Variants in SLC26A7 observed in about 807,000 individuals in gnomAD.
SLC26A7 encodes the protein anion exchange transporter.
In SLC26A7, 59 loss-of-function variants were observed where a neutral mutation model predicts 82.5. The ratio of observed to expected loss-of-function variants is 0.72; its 90% CI spans 0.58 to 0.89. SLC26A7 has a LOEUF of 0.89. Among genes scored for constraint, SLC26A7 ranks in the 40% least tolerant of loss-of-function variants. The pLI, the probability that SLC26A7 is intolerant of heterozygous loss-of-function variation, is 0.00. For synonymous variants in SLC26A7, 271 were observed against 274.3 expected (o/e 0.99, Z 0.12); for missense variants, 820 against 793.0 (o/e 1.03, Z -0.41).
At chr8:91,358,410 G>A (rs776424223) in intron 11 of SLC26A7, among the ~76,000 whole-genome samples, 48 of 149,064 alleles carry the variant, frequency 3.2e-4, no homozygotes, top group East Asian at 5.9e-4. Flanking sequence ...CTCACTGCAA[G>A]CTCCACCTCC....
rs1814299543 is a variant in SLC26A7, at chr8:91,369,694, A to G, written c.1627-91A>G. 1.0e-5 allele frequency: 10 copies of G among 954,654 alleles called. No homozygotes were observed. The South Asian group carries it at 1.6e-4, about 15-fold the overall frequency. The allele number at this position is 954,654 out of a possible 1,614,324, so 59.1% of individuals were successfully genotyped here. On this transcript the variant is annotated intron_variant, in intron 14 of 18. Transcript: ENST00000276609. ...AATTTTGGAGATGAGTTTTTTTGTT[A>G]TTCTTTATAAGTAAAAGAATTATGT...
intron 1 of SLC26A7, among the ~76,000 whole-genome samples, chr8:91,210,453 G>T (rs1305983990): frequency 6.6e-6 from 1 of 151,958 alleles, no homozygotes; most frequent in African/African-American, 2.4e-5. Context: ...AGAGAGATGA[G>T]GCTTTCCTTC....
At chr8:91,289,580 G>A (rs1451453768) in intron 3 of SLC26A7, among the ~76,000 whole-genome samples, 1 of 152,100 alleles carries the variant, frequency 6.6e-6, no homozygotes, top group Admixed American at 6.5e-5. Context: ...GGGAGGTGGA[G>A]GTTGCAGTGA....
chr8:91,344,098 A>G (rs1813495298), intron 9 of SLC26A7: 2 of 985,284 alleles, frequency 2.0e-6, no homozygotes, highest in Non-Finnish European at 2.4e-6. Flanking sequence ...GGTGGAAAAG[A>G]TATTGAGTTG....
At chr8:91,379,514 T>G (rs1814611306) in intron 15 of SLC26A7, among the ~76,000 whole-genome samples, 1 of 152,012 alleles carries the variant, frequency 6.6e-6, no homozygotes, top group Non-Finnish European at 1.5e-5. Flanking sequence ...AACCCTCACA[T>G]GTATTGCAGT....
chr8:91,345,196 A>G lies in SLC26A7; in HGVS notation c.1140+1730A>G, dbSNP rs183780685. On this transcript the variant is annotated intron_variant, in intron 9 of 18. Transcript: ENST00000276609. ...ACTCCTGGCTTTGAGAAATCCTCCAACCTCTGACTCCCAGTGTTGGGATTA... is the reference window on the plus strand; with the variant it reads ...ACTCCTGGCTTTGAGAAATCCTCCAGCCTCTGACTCCCAGTGTTGGGATTA... 3.3e-5 allele frequency among the ~76,000 whole-genome samples: 5 copies of G among 151,744 alleles called. No individual in the cohort carries two copies. In the East Asian group the frequency reaches 9.7e-4, roughly 29 times the overall value.
intron 15 of SLC26A7, among the ~76,000 whole-genome samples, chr8:91,373,331 G>T (rs928055953): frequency 2.0e-5 from 3 of 151,808 alleles, no homozygotes. Flanking sequence ...GTCAGTCTTT[G>T]CCATTCAGTA....
chr8:91,252,855 A>G (rs1192117721), intron 2 of SLC26A7, among the ~76,000 whole-genome samples: 1 of 152,122 alleles, frequency 6.6e-6, no homozygotes, highest in Non-Finnish European at 1.5e-5. Flanking sequence ...AAAGTCATGT[A>G]TGATCCTCAT....
At chr8:91,334,909 T>C (rs914372132) in intron 6 of SLC26A7, among the ~76,000 whole-genome samples, 3 of 152,168 alleles carry the variant, frequency 2.0e-5, no homozygotes, top group African/African-American at 7.2e-5. Flanking sequence ...TTTTGCTTCA[T>C]TGAAAGGATG....
chr8:91,251,923 C>T (rs1810668474), intron 2 of SLC26A7, among the ~76,000 whole-genome samples: 1 of 151,986 alleles, frequency 6.6e-6, no homozygotes, highest in African/African-American at 2.4e-5. Context: ...AGGTTTCATC[C>T]CTGCAGTTTT....
At chr8:91,360,948 C>G (rs1316583685) in intron 11 of SLC26A7, among the ~76,000 whole-genome samples, 1 of 152,106 alleles carries the variant, frequency 6.6e-6, no homozygotes, top group Non-Finnish European at 1.5e-5. Flanking sequence ...ACTATATAAA[C>G]AGAAGACTCA....
At chr8:91,389,483 C>T (rs1482161068) in intron 16 of SLC26A7, 45 bp downstream of exon 16, 2 of 1,401,332 alleles carry the variant, frequency 1.4e-6, no homozygotes, top group South Asian at 1.2e-5. Context: ...CCCTTTTGTT[C>T]AGTAACAGGG....
Position 91,314,356 on chromosome 8 carries a change from T to TAAGAGGG in SLC26A7, c.478-3860_478-3859insAAGAGGG, listed in dbSNP as rs1812572800. Among the ~76,000 whole-genome samples, 10 of 152,330 alleles carry TAAGAGGG rather than the reference T, an allele frequency of 6.6e-5. No individual in the cohort carries two copies. In the South Asian group the frequency reaches 2.1e-3, roughly 32 times the overall value. On this transcript the variant is annotated intron_variant, in intron 4 of 18. Transcript: ENST00000276609. ...AAACATGGTTCAATCTGTGGGCCCCTCTTGCAAAGCCTGTGTTGCTTGTGT... is the reference window on the plus strand; with the variant it reads ...AAACATGGTTCAATCTGTGGGCCCCTAAGAGGGCTTGCAAAGCCTGTGTTGCTTGTGT...
intron 15 of SLC26A7, among the ~76,000 whole-genome samples, chr8:91,378,576 T>C (rs1307964596): frequency 6.6e-6 from 1 of 151,566 alleles, no homozygotes; most frequent in Non-Finnish European, 1.5e-5. Flanking sequence ...GGGAAACTAG[T>C]CTGAAGAACT....
intron 15 of SLC26A7, among the ~76,000 whole-genome samples, chr8:91,374,895 A>T (rs1814466235): frequency 1.3e-5 from 2 of 152,110 alleles, no homozygotes; most frequent in African/African-American, 4.8e-5. Flanking sequence ...TATTCATTTT[A>T]TAAATCTGGG....
At position 91,289,158 on chromosome 8, in the gene SLC26A7, A is replaced by C. The variant is rs1160920686; in HGVS notation, c.216A>C (p.Ser72=). 2 of 1,613,808 alleles carry C rather than the reference A, an allele frequency of 1.2e-6. No homozygotes were observed. Among genetic ancestry groups the C allele is most frequent in the Non-Finnish European group, 1.7e-6 (2 of 1,179,912 alleles). The change falls in exon 3 of 19, where the codon TCA becomes TCC. Residue 72 remains serine, a synonymous_variant. Coordinates refer to ENST00000276609, the MANE Select transcript of SLC26A7 (RefSeq NM_052832.4). ...CAGGATTGGCCTTTGCTGTTCTCTC[A>C]TCTGTGCACCCAGTGTTTGGTTTAT... The part of the protein sequence containing the change: ...VTQGLAFAVL[S]SVHPVFGLYG...
intron 1 of SLC26A7, among the ~76,000 whole-genome samples, chr8:91,218,495 C>A (rs894889907): frequency 6.6e-6 from 1 of 152,138 alleles, no homozygotes; most frequent in African/African-American, 2.4e-5. Context: ...GCATGCTGGG[C>A]AGGTAAAACC....
chr8:91,219,076 A>T lies in SLC26A7; in HGVS notation c.-34+71A>T, dbSNP rs1006945351. The T allele has an allele frequency of 2.6e-5, 17 of 663,938 alleles. No homozygotes were observed. The African/African-American group carries it at 3.2e-4, about 12-fold the overall frequency. The allele number at this position is 663,938 out of a possible 1,614,324, so 41.1% of individuals were successfully genotyped here. On this transcript the variant is annotated intron_variant, in intron 2 of 5. Transcript: ENST00000522862. ...TGCATACACAGATTATGCCCTACTT[A>T]AGATACCATGCCTGTTCTCTTTGTC...
chr8:91,229,216 G>A (rs544985792), intron 2 of SLC26A7, among the ~76,000 whole-genome samples: 15 of 152,086 alleles, frequency 9.9e-5, no homozygotes, highest in African/African-American at 3.6e-4. Flanking sequence ...GTCCCTCCCT[G>A]GCCACCCTAT....
Sources: allele counts gnomAD v4.1 joint callset (sites outside exome capture counted in the v4.1 genomes callset), GRCh38; gene constraint gnomAD v4.1.1; transcripts MANE v1.5; gene names NCBI Gene and HGNC (gene_info 2026-07-23, HGNC 2026-07-21).